BTF3: variants seen among roughly 807,000 people sequenced by gnomAD.
BTF3 encodes the protein transcription factor BTF3.
BTF3 carries 12 observed loss-of-function variants against 23.9 expected under a neutral mutation model. The ratio of observed to expected loss-of-function variants is 0.50; its 90% CI spans 0.32 to 0.81. The LOEUF is 0.81. BTF3 is among the 40% of genes least tolerant of loss of function. The pLI is 0.03. For missense variants in BTF3, 215 were observed against 255.9 expected, an observed-to-expected ratio of 0.84 and a Z score of 1.09; for synonymous variants, 96 against 94.8, an observed-to-expected ratio of 1.01 and a Z score of -0.07.
Position 73,498,623 on chromosome 5 carries a change from A to C in BTF3, c.-45A>C. 1 of 1,441,296 alleles carries C rather than the reference A, an allele frequency of 6.9e-7. No individual in the cohort carries two copies. Among genetic ancestry groups the C allele is most frequent in the Non-Finnish European group, 9.0e-7 (1 of 1,105,438 alleles). The allele number at this position is 1,441,296 out of a possible 1,614,324, so 89.3% of individuals were successfully genotyped here. On this transcript the variant is annotated 5_prime_UTR_variant, in exon 1 of 6. Coordinates refer to ENST00000380591, the MANE Select transcript of BTF3 (RefSeq NM_001037637.2). ...GGAGCGGGGGCGGGAAGTTCCCTGA[A>C]GGAGCGAGACAGGGAGGGACAGGGC...
rs544389342 is a variant in BTF3, at chr5:73,500,729, A to G, written c.201+1527A>G. On this transcript the variant is annotated intron_variant, in intron 2 of 5. Coordinates refer to ENST00000380591, the MANE Select transcript of BTF3 (RefSeq NM_001037637.2). ...TATTTTCATATCTAATCACAGCATT[A>G]ATAATAATTATTTAAGTGAAAATTG... Among the ~76,000 whole-genome samples, 8 of 152,284 alleles carry G rather than the reference A, an allele frequency of 5.3e-5. No homozygotes were observed. In the East Asian group the frequency reaches 9.6e-4, roughly 18 times the overall value.
chr5:73,500,742 T>A (rs1350640890), intron 2 of BTF3, among the ~76,000 whole-genome samples: 1 of 152,186 alleles, frequency 6.6e-6, no homozygotes, highest in Non-Finnish European at 1.5e-5. Context: ...AATAATTATT[T>A]AAGTGAAAAT....
chr5:73,499,607 C>T (rs1427365183), intron 2 of BTF3: 1 of 312,616 alleles, frequency 3.2e-6, no homozygotes, highest in South Asian at 2.9e-5. Context: ...GCTTTCTGAA[C>T]TAAATATTCT....
intron 1 of BTF3, 42 bp downstream of exon 1, chr5:73,498,841 C>T: frequency 1.3e-6 from 2 of 1,492,466 alleles, no homozygotes; most frequent in Admixed American, 2.6e-5. Flanking sequence ...CGGGCAGGCC[C>T]TGGCTAGGCC....
intron 1 of BTF3, 26 bp downstream of exon 1, chr5:73,498,825 C>T (rs1323461131): frequency 2.0e-6 from 3 of 1,503,742 alleles, no homozygotes; most frequent in Admixed American, 2.5e-5. Context: ...CGGAGAGTGG[C>T]CGGGCCGGGC....
In BTF3 at chr5:73,499,009, A is replaced by T. The variant is rs1746367440; in HGVS notation, c.133-125A>T. The stretch of plus-strand genomic sequence containing the variant: ...CCAAATTTGGAGCTTTGCGGGGTGG[A>T]TTTGGGATCCAGGTTTCGGCCTGTG... On this transcript the variant is annotated intron_variant, in intron 1 of 5. Transcript: ENST00000380591. 5 of 1,271,542 alleles carry T rather than the reference A, an allele frequency of 3.9e-6. No individual in the cohort carries two copies. In the Admixed American group the frequency reaches 1.4e-4, roughly 36 times the overall value. The allele number at this position is 1,271,542 out of a possible 1,614,324, so 78.8% of individuals were successfully genotyped here.
In BTF3 at chr5:73,499,140, GAAAC is replaced by G; in HGVS notation, c.142_145del (p.Thr48SerfsTer2). On this transcript the variant is annotated frameshift_variant, in exon 2 of 6. Coordinates refer to ENST00000380591, the MANE Select transcript of BTF3 (RefSeq NM_001037637.2). LOFTEE classifies it high-confidence loss of function. Reference sequence around the variant, plus strand: ...GGATTTCCTCTTTTTCTAGATGAAAGAAACAATCATGAACCAGGAAAAACTCGCC... The same window carrying G: ...GGATTTCCTCTTTTTCTAGATGAAAGAATCATGAACCAGGAAAAACTCGCC... 1 of 1,608,266 alleles carries G rather than the reference GAAAC, an allele frequency of 6.2e-7. No individual in the cohort carries two copies. Among genetic ancestry groups the G allele is most frequent in the Non-Finnish European group, 8.5e-7 (1 of 1,178,810 alleles).
At chr5:73,504,267 CTT>C (rs34051700) in intron 4 of BTF3, 78 bp from the exon 5 acceptor site, 4,225 of 124,382 alleles carry the variant, frequency 0.034, no homozygotes, top group East Asian at 0.11. Context: ...TTCATCTGTT[CTT>C]TTTTTTTTTT....
In BTF3 at chr5:73,498,704, C is replaced by A; in HGVS notation, c.37C>A (p.Arg13=). ...AGGCGCACCCGCTCAGGCTGACTCT[C>A]GGGGGCGAGGTCGAGCCAGGGGCGG... ...RTGAPAQADS[R]GRGRARGGCP... Residue 13 remains arginine (R), a synonymous_variant, in exon 1 of 6, where the codon CGG becomes AGG. Coordinates refer to ENST00000380591, the MANE Select transcript of BTF3 (RefSeq NM_001037637.2). 6.7e-7 allele frequency: 1 copy of A among 1,496,160 alleles called. No individual in the cohort carries two copies. Among genetic ancestry groups the A allele is most frequent in the Middle Eastern group, 1.8e-4 (1 of 5,488 alleles). The allele number at this position is 1,496,160 out of a possible 1,614,324, so 92.7% of individuals were successfully genotyped here.
chr5:73,502,774 T>C, intron 3 of BTF3, 142 bp from the exon 4 acceptor site: 1 of 896,266 alleles, frequency 1.1e-6, no homozygotes, highest in Non-Finnish European at 1.7e-6. Flanking sequence ...CTGAATGCTA[T>C]TAGAATACAT....
Position 73,503,248 on chromosome 5 carries a change from C to T in BTF3, c.517+131C>T, listed in dbSNP as rs150380551. On this transcript the variant is annotated intron_variant, in intron 4 of 5. Coordinates refer to ENST00000380591, the MANE Select transcript of BTF3 (RefSeq NM_001037637.2). ...AGCTTTAAAAATAACAGATTTGTAA[C>T]TGATTTTAAGCAACTGTCCTTGCTC... is the stretch of plus-strand genomic sequence containing the variant. 6.9e-4 allele frequency: 666 copies of T among 958,296 alleles called. 1 individual carries two copies. The African/African-American group carries it at 7.6e-3, about 11-fold the overall frequency. 59.4% of individuals were successfully genotyped at this position (958,296 alleles called of 1,614,324 possible).
intron 2 of BTF3, chr5:73,499,579 T>A (rs1746384708): frequency 2.8e-6 from 1 of 357,990 alleles, no homozygotes. Flanking sequence ...CTCTTGTAAA[T>A]TGAGACCTTT....
At chr5:73,504,706 T>C in intron 5 of BTF3, 1 of 221,622 alleles carries the variant, frequency 4.5e-6, no homozygotes, top group Non-Finnish European at 8.7e-6. Context: ...TGACCCTTGC[T>C]CCCTACTTTG....
At chr5:73,501,341 A>G (rs1746430810) in intron 2 of BTF3, among the ~76,000 whole-genome samples, 1 of 152,226 alleles carries the variant, frequency 6.6e-6, no homozygotes, top group Admixed American at 6.5e-5. Flanking sequence ...TGTTGTAGAT[A>G]CTGGGTTTAT....
At chr5:73,504,776 C>T (rs1746519113) in intron 5 of BTF3, 3 of 216,876 alleles carry the variant, frequency 1.4e-5, no homozygotes, top group Non-Finnish European at 2.7e-5. Context: ...TATATATATG[C>T]ATTCTAAAAT....
rs1746540324 is a variant in BTF3 at position 73,505,654 on chromosome 5, C to A, written c.*416C>A. 6.4e-6 allele frequency: 1 copy of A among 155,314 alleles called. No individual in the cohort carries two copies. The highest frequency in any genetic ancestry group is 2.4e-5 in the African/African-American group (1 of 41,474). 9.6% of individuals were successfully genotyped at this position (155,314 alleles called of 1,614,324 possible). On this transcript the variant is annotated 3_prime_UTR_variant, in exon 6 of 6. Coordinates refer to ENST00000380591, the MANE Select transcript of BTF3 (RefSeq NM_001037637.2). ...AGTGTAACAAAGGTGGTATAAAGTT[C>A]TCAGGTTTGAAAACTTTGCTCTCCA... is the stretch of plus-strand genomic sequence containing the variant.
Position 73,498,503 on chromosome 5 carries a change from G to A in BTF3, c.-165G>A. 1 of 1,027,210 alleles carries A rather than the reference G, an allele frequency of 9.7e-7. No homozygotes were observed. Among genetic ancestry groups the A allele is most frequent in the African/African-American group, 1.7e-5 (1 of 58,834 alleles). The allele number at this position is 1,027,210 out of a possible 1,614,324, so 63.6% of individuals were successfully genotyped here. On this transcript the variant is annotated 5_prime_UTR_variant, in exon 1 of 6. Transcript: ENST00000380591. ...GCCTAATCTCAGGTGGTCCACCCGA[G>A]ACCCCTTGAGCACCAACCCTAGTCC...
intron 4 of BTF3, 55 bp from the exon 5 acceptor site, chr5:73,504,292 T>TTTG: frequency 1.5e-6 from 1 of 661,234 alleles, no homozygotes; most frequent in Non-Finnish European, 2.3e-6. Flanking sequence ...TTTTTTTTTT[T>TTTG]GGTGAATATT....
rs1746337091 is a variant in BTF3, at chr5:73,498,578, G to A, written c.-90G>A. 1.4e-6 allele frequency: 2 copies of A among 1,405,622 alleles called. No individual in the cohort carries two copies. The highest frequency in any genetic ancestry group is 3.4e-5 in the Admixed American group (1 of 29,666). The allele number at this position is 1,405,622 out of a possible 1,614,324, so 87.1% of individuals were successfully genotyped here. A position where few individuals can be genotyped will look rare whatever the true frequency, so the allele number is the denominator to read the frequency against. On this transcript the variant is annotated 5_prime_UTR_variant, in exon 1 of 6. Transcript: ENST00000380591. ...GACAAGGTACAAAAAGGCTCTGGAC[G>A]GCGGCGTGGTAGGAGGACGGGAGCG...
Sources: gnomAD v4.1 joint callset for allele counts (sites outside exome capture counted in the v4.1 genomes callset) on GRCh38, gnomAD v4.1.1 for gene constraint, MANE v1.5 for transcripts, NCBI Gene and HGNC (gene_info 2026-07-23, HGNC 2026-07-21) for gene names.